Variants in CTNNA2 observed in about 807,000 individuals in gnomAD.
CTNNA2 encodes the protein catenin alpha-2.
Under a neutral mutation model 101.0 loss-of-function variants are expected in CTNNA2, and 42 were observed. That is an observed-to-expected ratio of 0.42 (90% confidence interval 0.32 to 0.54). The LOEUF (loss-of-function observed/expected upper bound fraction) is 0.54, where lower values mean the gene tolerates loss of function less well. Ranked by LOEUF, CTNNA2 falls within the 20% of genes least tolerant of loss-of-function variation. The pLI is 0.14. For missense variants in CTNNA2, 871 were observed against 1,223.1 expected, an observed-to-expected ratio of 0.71 and a Z score of 4.29; for synonymous variants, 450 against 456.4, an observed-to-expected ratio of 0.99 and a Z score of 0.18.
At chr2:79,607,481 C>A (rs1677974195) in intron 1 of CTNNA2, among the ~76,000 whole-genome samples, 1 of 151,898 alleles carries the variant, frequency 6.6e-6, no homozygotes, top group Admixed American at 6.6e-5. Context: ...AGGTAATTTT[C>A]CAAGATAGAC....
intron 1 of CTNNA2, among the ~76,000 whole-genome samples, chr2:79,600,587 C>A (rs1352674570): frequency 6.6e-6 from 1 of 152,154 alleles, no homozygotes; most frequent in Non-Finnish European, 1.5e-5. Flanking sequence ...TGTTCCACCT[C>A]ACTATTGAAC....
In CTNNA2 at chr2:79,841,504, T is replaced by C. The variant is rs187375045; in HGVS notation, c.299-16509T>C. On this transcript the variant is annotated intron_variant, in intron 3 of 18. Coordinates refer to ENST00000402739, the MANE Select transcript of CTNNA2 (RefSeq NM_001282597.3). ...TTTTTAAGAAGGTGGGAATTTAAAA[T>C]GATTAATGAAAATCTGTCATGGGAT... is the stretch of plus-strand genomic sequence containing the variant. Among the ~76,000 whole-genome samples, 14 of 152,346 alleles carry C rather than the reference T, an allele frequency of 9.2e-5. No homozygotes were observed. In the East Asian group the frequency reaches 2.7e-3, roughly 29 times the overall value.
At chr2:79,837,080 G>T (rs1304504929) in intron 3 of CTNNA2, among the ~76,000 whole-genome samples, 2 of 152,204 alleles carry the variant, frequency 1.3e-5, no homozygotes, top group African/African-American at 4.8e-5. Flanking sequence ...ATTTGAATCT[G>T]TGTGAGTCAG....
intron 9 of CTNNA2, among the ~76,000 whole-genome samples, chr2:80,451,946 C>A (rs1014242064): frequency 1.3e-5 from 2 of 151,858 alleles, no homozygotes; most frequent in Admixed American, 6.6e-5. Flanking sequence ...AAGAGGAGGG[C>A]AAAAATAGAA....
intron 7 of CTNNA2, among the ~76,000 whole-genome samples, chr2:80,329,574 A>G (rs926301349): frequency 6.6e-6 from 1 of 152,152 alleles, no homozygotes; most frequent in African/African-American, 2.4e-5. Context: ...CTGAAACGGA[A>G]GGGCTGTGTT....
intron 7 of CTNNA2, among the ~76,000 whole-genome samples, chr2:80,017,562 C>T (rs1694244969): frequency 2.0e-5 from 3 of 151,694 alleles, no homozygotes; most frequent in African/African-American, 7.3e-5. Flanking sequence ...TTAAAAAGTA[C>T]TGATGCCTAT....
intron 7 of CTNNA2, among the ~76,000 whole-genome samples, chr2:79,963,507 T>C (rs1364159673): frequency 1.3e-5 from 2 of 152,112 alleles, no homozygotes; most frequent in Non-Finnish European, 2.9e-5. Flanking sequence ...AACACTGCAT[T>C]CCAGATAGCC....
At chr2:79,678,083 G>C (rs1159462406) in intron 2 of CTNNA2, among the ~76,000 whole-genome samples, 1 of 152,174 alleles carries the variant, frequency 6.6e-6, no homozygotes, top group African/African-American at 2.4e-5. Flanking sequence ...AAAGGACACT[G>C]TCTACAGAAA....
chr2:80,561,806 G>A (rs917277695), intron 12 of CTNNA2, among the ~76,000 whole-genome samples: 14 of 150,968 alleles, frequency 9.3e-5, no homozygotes, highest in Non-Finnish European at 1.2e-4. Flanking sequence ...GATTACAGGC[G>A]GTCGCCACCA....
chr2:80,509,430 C>T (rs779492492), intron 9 of CTNNA2, among the ~76,000 whole-genome samples: 8 of 152,136 alleles, frequency 5.3e-5, no homozygotes, highest in South Asian at 4.1e-4. Flanking sequence ...TAATACTCTA[C>T]GGACAAGAAA....
At chr2:79,485,910 G>A (rs1033100150) in intron 4 of CTNNA2, among the ~76,000 whole-genome samples, 4 of 151,976 alleles carry the variant, frequency 2.6e-5, no homozygotes, top group African/African-American at 7.2e-5. Flanking sequence ...CTGTTTCCTT[G>A]AGGAAAAAAA....
rs186696847 is a variant in CTNNA2 at position 80,554,014 on chromosome 2, G to A, written c.1541-1679G>A. The stretch of plus-strand genomic sequence containing the variant: ...CATTATTTTTCTATTCTAATTTATA[G>A]TTGAAATTAAAGAAATGGAGAATGT... On this transcript the variant is annotated intron_variant, in intron 11 of 18. Transcript: ENST00000402739. Among the ~76,000 whole-genome samples the A allele has an allele frequency of 3.9e-4, 60 of 152,198 alleles. 1 individual carries two copies. Among genetic ancestry groups the A allele is most frequent in the African/African-American group, 1.3e-3 (52 of 41,550 alleles).
At chr2:79,943,661 A>G (rs1380679555) in intron 7 of CTNNA2, among the ~76,000 whole-genome samples, 1 of 152,230 alleles carries the variant, frequency 6.6e-6, no homozygotes, top group African/African-American at 2.4e-5. Context: ...GTTCTTTTCC[A>G]TAAAGAAAGC....
At chr2:80,526,911 T>TA (rs1051701074) in intron 9 of CTNNA2, among the ~76,000 whole-genome samples, 11 of 152,244 alleles carry the variant, frequency 7.2e-5, no homozygotes, top group South Asian at 2.1e-4. Context: ...TATGGAGTTT[T>TA]AAAAAAAATC....
At chr2:79,834,056 T>C (rs1679130003) in intron 3 of CTNNA2, among the ~76,000 whole-genome samples, 1 of 152,196 alleles carries the variant, frequency 6.6e-6, no homozygotes, top group Non-Finnish European at 1.5e-5. Context: ...ACAATTGCAC[T>C]AAACAATTTC....
chr2:80,273,887 T>C (rs1229073319), intron 7 of CTNNA2, among the ~76,000 whole-genome samples: 2 of 152,100 alleles, frequency 1.3e-5, no homozygotes, highest in East Asian at 1.9e-4. Flanking sequence ...CCTGTTTATC[T>C]TGTTATTGCA....
chr2:80,578,869 G>A (rs772435539), intron 13 of CTNNA2: 4 of 152,094 alleles, frequency 2.6e-5, no homozygotes, highest in African/African-American at 7.2e-5. Flanking sequence ...ATAGTGGGTG[G>A]TAAACAATGA....
chr2:79,830,783 C>T (rs1678869767), intron 3 of CTNNA2, among the ~76,000 whole-genome samples: 1 of 152,158 alleles, frequency 6.6e-6, no homozygotes, highest in Admixed American at 6.5e-5. Context: ...TAAATGCAAC[C>T]TGCCCAGGTT....
intron 3 of CTNNA2, among the ~76,000 whole-genome samples, chr2:79,785,298 TACTC>T (rs201758446): frequency 0.027 from 4,048 of 152,272 alleles, 78 homozygotes; most frequent in South Asian, 0.13. Flanking sequence ...TACTTCCCCT[TACTC>T]ACATCCCTTC....
Sources: gnomAD v4.1 joint callset for allele counts (sites outside exome capture counted in the v4.1 genomes callset) on GRCh38, gnomAD v4.1.1 for gene constraint, MANE v1.5 for transcripts, NCBI Gene and HGNC (gene_info 2026-07-23, HGNC 2026-07-21) for gene names.